The following STMN4 variants were observed in gnomAD, a reference collection of about 807,000 sequenced individuals.
The protein encoded by STMN4 is stathmin-4.
Under a neutral mutation model 29.1 loss-of-function variants are expected in STMN4, and 12 were observed. That is an observed-to-expected ratio of 0.41 (90% CI 0.26 to 0.67). STMN4 has a LOEUF of 0.67. STMN4 is among the 30% of genes least tolerant of loss of function. The probability of loss-of-function intolerance (pLI) is 0.30; values close to 1 mark genes in which losing one functional copy is unlikely to be tolerated. For synonymous variants in STMN4, 114 were observed against 105.3 expected (o/e 1.08, Z -0.51); for missense variants, 181 against 262.8 (o/e 0.69, Z 2.15).
At chr8:27,247,135 A>G (rs1281045630) in intron 1 of STMN4, among the ~76,000 whole-genome samples, 1 of 151,726 alleles carries the variant, frequency 6.6e-6, no homozygotes, top group Admixed American at 6.6e-5. Flanking sequence ...CATGCCTGTA[A>G]TCTCAGCTAC....
At chr8:27,257,268 C>A (rs991173647) in intron 1 of STMN4, among the ~76,000 whole-genome samples, 5 of 152,152 alleles carry the variant, frequency 3.3e-5, no homozygotes, top group African/African-American at 9.7e-5. Flanking sequence ...GAGGCGGGGG[C>A]TCAGCCTCAG....
chr8:27,239,207 C>T (rs1420476259), intron 6 of STMN4: 12 of 1,534,002 alleles, frequency 7.8e-6, no homozygotes, highest in South Asian at 4.8e-5. Context: ...CAGGAAGGAG[C>T]GGGGACCACG....
chr8:27,240,195 C>T, intron 5 of STMN4, 33 bp from the exon 6 acceptor site: 1 of 1,601,478 alleles, frequency 6.2e-7, no homozygotes, highest in South Asian at 1.1e-5. Flanking sequence ...GGAGGCCCTT[C>T]ACAGTGAGTG....
intron 2 of STMN4, among the ~76,000 whole-genome samples, chr8:27,242,802 AC>A (rs1801514596): frequency 6.6e-6 from 1 of 152,118 alleles, no homozygotes; most frequent in Non-Finnish European, 1.5e-5. Flanking sequence ...GGTCCCAAGC[AC>A]CAGTGCCTCA....
intron 1 of STMN4, among the ~76,000 whole-genome samples, chr8:27,256,916 T>C (rs1199399556): frequency 6.6e-6 from 1 of 152,234 alleles, no homozygotes; most frequent in East Asian, 1.9e-4. Flanking sequence ...GCATGCTCTA[T>C]GGTAGTCCCA....
chr8:27,253,667 G>C (rs911580506), intron 1 of STMN4, among the ~76,000 whole-genome samples: 1 of 151,462 alleles, frequency 6.6e-6, no homozygotes, highest in Non-Finnish European at 1.5e-5. Context: ...CTAAATTCTG[G>C]TGTTTTCTTT....
At chr8:27,257,875 C>A (rs1352296485) in intron 1 of STMN4, among the ~76,000 whole-genome samples, 1 of 152,034 alleles carries the variant, frequency 6.6e-6, no homozygotes, top group Admixed American at 6.6e-5. Flanking sequence ...AAAAAGTAAC[C>A]CGTGCATAGA....
chr8:27,251,319 C>T (rs111711623), intron 1 of STMN4, among the ~76,000 whole-genome samples: 8 of 139,124 alleles, frequency 5.8e-5, no homozygotes, highest in African/African-American at 2.1e-4. Flanking sequence ...TATATATATA[C>T]GTATATACGT....
intron 6 of STMN4, chr8:27,239,346 C>T: frequency 6.6e-7 from 1 of 1,516,176 alleles, no homozygotes; most frequent in Non-Finnish European, 8.8e-7. Context: ...GGCCTTGAGA[C>T]TCAGGAAATG....
chr8:27,255,563 T>C (rs117668136), intron 1 of STMN4, among the ~76,000 whole-genome samples: 4 of 152,340 alleles, frequency 2.6e-5, no homozygotes, highest in Admixed American at 6.5e-5. Context: ...GTCTATACAG[T>C]TGGTTTAATA....
chr8:27,248,551 T>C (rs1315959395), intron 1 of STMN4, among the ~76,000 whole-genome samples: 1 of 152,206 alleles, frequency 6.6e-6, no homozygotes, highest in Non-Finnish European at 1.5e-5. Context: ...AGGAAGCCAC[T>C]GACATCTTTT....
chr8:27,244,621 C>G (rs899174116), intron 1 of STMN4, among the ~76,000 whole-genome samples: 2 of 152,150 alleles, frequency 1.3e-5, no homozygotes, highest in African/African-American at 4.8e-5. Flanking sequence ...GAGTTAGAAT[C>G]AGACAGGAGC....
intron 1 of STMN4, among the ~76,000 whole-genome samples, chr8:27,249,206 C>A (rs1489992476): frequency 6.6e-6 from 1 of 152,074 alleles, no homozygotes; most frequent in Admixed American, 6.6e-5. Flanking sequence ...AGGGATCTCA[C>A]GGTGGGACAG....
intron 1 of STMN4, among the ~76,000 whole-genome samples, chr8:27,246,929 A>C (rs1348700990): frequency 6.6e-6 from 1 of 152,188 alleles, no homozygotes; most frequent in Non-Finnish European, 1.5e-5. Context: ...CTCAGGTACC[A>C]GCATTCATAC....
intron 1 of STMN4, among the ~76,000 whole-genome samples, chr8:27,250,132 C>T (rs1801742322): frequency 6.6e-6 from 1 of 152,136 alleles, no homozygotes; most frequent in African/African-American, 2.4e-5. Flanking sequence ...TATTGCCAAT[C>T]TTCTTCAAAA....
chr8:27,250,422 A>G (rs1457014090), intron 1 of STMN4, among the ~76,000 whole-genome samples: 4 of 152,234 alleles, frequency 2.6e-5, no homozygotes, highest in African/African-American at 9.6e-5. Context: ...TAACCACAGG[A>G]GTTTTTGTTG....
chr8:27,239,364 C>T (rs969758067), intron 6 of STMN4: 107 of 1,454,648 alleles, frequency 7.4e-5, no homozygotes, highest in African/African-American at 4.2e-4. Context: ...ATGAGGCCAG[C>T]GTGTTCTCAG....
intron 1 of STMN4, among the ~76,000 whole-genome samples, chr8:27,250,742 C>A (rs986196568): frequency 6.6e-6 from 1 of 152,186 alleles, no homozygotes; most frequent in Non-Finnish European, 1.5e-5. Context: ...ACAAGGGCAA[C>A]TCCCAGAGGG....
chr8:27,239,116 A>G (rs534625052), intron 6 of STMN4: 3 of 1,314,812 alleles, frequency 2.3e-6, no homozygotes, highest in East Asian at 5.2e-5. Context: ...TCCAGGGCCT[A>G]CGCAACATTC....
Sources: gnomAD v4.1 joint callset for allele counts (sites outside exome capture counted in the v4.1 genomes callset) on GRCh38, gnomAD v4.1.1 for gene constraint, MANE v1.5 for transcripts, NCBI Gene and HGNC (gene_info 2026-07-23, HGNC 2026-07-21) for gene names.